CEP83: variants seen among roughly 807,000 people sequenced by gnomAD.
The protein encoded by CEP83 is centrosomal protein of 83 kDa.
Under a neutral mutation model 101.9 loss-of-function variants are expected in CEP83, and 70 were observed. That is an observed-to-expected ratio of 0.69 (90% confidence interval 0.57 to 0.84). The LOEUF (loss-of-function observed/expected upper bound fraction) is 0.84. Ranked by LOEUF, CEP83 falls within the 40% of genes least tolerant of loss-of-function variation. CEP83 has a pLI of 0.00. For synonymous variants in CEP83, 264 were observed against 267.9 expected (o/e 0.99, Z 0.14); for missense variants, 715 against 787.2 (o/e 0.91, Z 1.10).
chr12:94,397,077 TAC>T (rs1228999028), intron 6 of CEP83, among the ~76,000 whole-genome samples: 1 of 152,234 alleles, frequency 6.6e-6, no homozygotes, highest in Non-Finnish European at 1.5e-5. Context: ...ATACTGCTCC[TAC>T]ATAATCAATT....
intron 2 of CEP83, 55 bp from the exon 3 acceptor site, chr12:94,412,646 C>T (rs1449766272): frequency 3.8e-6 from 2 of 525,040 alleles, no homozygotes; most frequent in Non-Finnish European, 3.3e-6. Flanking sequence ...ACGTAAGCCT[C>T]CTTTAATGTT....
chr12:94,394,007 T>G (rs552869710), intron 6 of CEP83, among the ~76,000 whole-genome samples: 1 of 152,140 alleles, frequency 6.6e-6, no homozygotes, highest in African/African-American at 2.4e-5. Flanking sequence ...ATTCCATGCT[T>G]ATGGATAGGA....
At chr12:94,345,979 T>A (rs942014959) in intron 11 of CEP83, among the ~76,000 whole-genome samples, 1 of 152,142 alleles carries the variant, frequency 6.6e-6, no homozygotes, top group Non-Finnish European at 1.5e-5. Flanking sequence ...GCTAGGAGAA[T>A]GGCACACTCC....
intron 14 of CEP83, among the ~76,000 whole-genome samples, chr12:94,313,970 G>A (rs1243956861): frequency 1.3e-5 from 2 of 152,150 alleles, no homozygotes; most frequent in African/African-American, 4.8e-5. Context: ...TTTAAAAGTT[G>A]CCTTTCTAAA....
chr12:94,425,224 G>A (rs995958432), intron 2 of CEP83, among the ~76,000 whole-genome samples: 2 of 152,114 alleles, frequency 1.3e-5, no homozygotes, highest in African/African-American at 4.8e-5. Flanking sequence ...CACATAACCT[G>A]AGCATGCTCA....
chr12:94,303,799 C>A, downstream of CEP83: 1 of 1,592,288 alleles, frequency 6.3e-7, no homozygotes, highest in African/African-American at 1.4e-5. Context: ...GATATCCCAA[C>A]CTACAAAGAA....
At chr12:94,284,196 C>G in the CEP83 span, among the ~76,000 whole-genome samples, 1 of 151,752 alleles carries the variant, frequency 6.6e-6, no homozygotes, top group Non-Finnish European at 1.5e-5. Context: ...GAGTCAGAAT[C>G]TTGTAGCCTC....
At chr12:94,424,953 T>A (rs562531667) in intron 2 of CEP83, 1 of 1,580,032 alleles carries the variant, frequency 6.3e-7, no homozygotes, top group East Asian at 2.2e-5. Flanking sequence ...GGCCTGGAAG[T>A]CACGGATAGC....
chr12:94,294,652 A>G, the CEP83 span: 5 of 587,918 alleles, frequency 8.5e-6, no homozygotes, highest in Non-Finnish European at 1.6e-5. Context: ...GTTGCTATGT[A>G]ATTCTCTGAA....
chr12:94,288,462 CAGA>C, the CEP83 span, among the ~76,000 whole-genome samples: 19 of 152,186 alleles, frequency 1.2e-4, no homozygotes, highest in African/African-American at 4.6e-4. Flanking sequence ...TAATAGGCCG[CAGA>C]AGGAGCTGGC....
the CEP83 span, chr12:94,281,794 T>A: frequency 6.5e-6 from 1 of 154,570 alleles, no homozygotes; most frequent in African/African-American, 2.4e-5. Flanking sequence ...CCATGCAGGT[T>A]CCAAAAAAAG....
the CEP83 span, among the ~76,000 whole-genome samples, chr12:94,295,903 C>CT: frequency 6.6e-6 from 1 of 152,210 alleles, no homozygotes; most frequent in Non-Finnish European, 1.5e-5. Context: ...ACCCTGCACT[C>CT]TTTACAGAGA....
Position 94,331,206 on chromosome 12 carries a change from G to A in CEP83, c.1707+494C>T, listed in dbSNP as rs557083132. ...CTCGAAAGGCTGAGGTATGAGAATC[G>A]CTTGAACCCAGGGGATGGAGGTTGC... On this transcript the variant is annotated intron_variant, in intron 14 of 16. Coordinates refer to ENST00000397809, the MANE Select transcript of CEP83 (RefSeq NM_016122.3). 9.1e-5 allele frequency among the ~76,000 whole-genome samples: 13 copies of A among 142,884 alleles called. No individual in the cohort carries two copies. The East Asian group carries it at 2.1e-3, about 24-fold the overall frequency. The allele number at this position is 142,884 out of a possible 152,430, so 93.7% of individuals were successfully genotyped here. A position where few individuals can be genotyped will look rare whatever the true frequency, so the allele number is the denominator to read the frequency against.
intron 14 of CEP83, among the ~76,000 whole-genome samples, chr12:94,320,098 T>A (rs1008172275): frequency 6.6e-6 from 1 of 152,224 alleles, no homozygotes; most frequent in Admixed American, 6.5e-5. Flanking sequence ...TTTACCATTA[T>A]GTAAACCCGT....
At chr12:94,386,334 G>A (rs138262621) in intron 6 of CEP83, among the ~76,000 whole-genome samples, 2 of 152,296 alleles carry the variant, frequency 1.3e-5, no homozygotes, top group East Asian at 3.9e-4. Context: ...TCTAGAGACT[G>A]TCCCACCTAA....
At chr12:94,364,531 G>A (rs2060927447) in intron 11 of CEP83, among the ~76,000 whole-genome samples, 1 of 152,126 alleles carries the variant, frequency 6.6e-6, no homozygotes, top group African/African-American at 2.4e-5. Context: ...TTGGGAGGCT[G>A]AGGCAGGAGG....
chr12:94,358,912 A>G (rs1358787264), intron 11 of CEP83, among the ~76,000 whole-genome samples: 2 of 152,260 alleles, frequency 1.3e-5, no homozygotes, highest in East Asian at 1.9e-4. Flanking sequence ...CATAATGGCC[A>G]TAAAGTCCAA....
chr12:94,290,376 A>G, the CEP83 span, among the ~76,000 whole-genome samples: 4 of 152,276 alleles, frequency 2.6e-5, no homozygotes, highest in African/African-American at 9.6e-5. Flanking sequence ...ATCAGCCAGC[A>G]AACAATGAAT....
chr12:94,403,591 CA>C (rs1014097307), intron 4 of CEP83, among the ~76,000 whole-genome samples: 2 of 152,102 alleles, frequency 1.3e-5, no homozygotes, highest in Admixed American at 6.5e-5. Context: ...TTTTCCAAAG[CA>C]GGCAAAATAA....
Sources: allele counts gnomAD v4.1 joint callset (sites outside exome capture counted in the v4.1 genomes callset), GRCh38; gene constraint gnomAD v4.1.1; transcripts MANE v1.5; gene names NCBI Gene and HGNC (gene_info 2026-07-23, HGNC 2026-07-21).